The following MTG1 variants were observed in gnomAD, a reference collection of about 807,000 sequenced individuals.
The protein encoded by MTG1 is mitochondrial ribosome associated GTPase 1.
Under a neutral mutation model 39.5 loss-of-function variants are expected in MTG1, and 30 were observed. The observed-to-expected ratio is 0.76, with a 90% CI of 0.57 to 1.03. MTG1 has a LOEUF of 1.03. Among genes scored for constraint, MTG1 ranks in the 50% least tolerant of loss-of-function variants. The probability of loss-of-function intolerance (pLI) is 0.00; values close to 1 mark genes in which losing one functional copy is unlikely to be tolerated. For synonymous variants in MTG1, 217 were observed against 179.0 expected (o/e 1.21, Z -1.69); for missense variants, 513 against 447.4 (o/e 1.15, Z -1.32).
chr10:133,396,266 A>C lies in MTG1; in HGVS notation c.281A>C (p.Gln94Pro). Residue 94 changes from glutamine to proline, a missense_variant and splice_region_variant, in exon 3 of 11, where the codon CAG becomes CCG. By Grantham distance (76) the Gln-to-Pro change is moderately conservative. Coordinates refer to ENST00000317502, the MANE Select transcript of MTG1 (RefSeq NM_138384.4). ...GACTTGGCGGATCTTACAGAGCAGC[A>C]GGTAAAGGCCTTTCTCTCAGACGCC... ...KMDLADLTEQQKIMQHLEGEG... is the reference protein window; with the variant it reads ...KMDLADLTEQPKIMQHLEGEG... The C allele has an allele frequency of 6.2e-7, 1 of 1,613,128 alleles. No individual in the cohort carries two copies. The highest frequency in any genetic ancestry group is 8.5e-7 in the Non-Finnish European group (1 of 1,179,080).
chr10:133,409,475 G>A (rs1359016184), intron 9 of MTG1, among the ~76,000 whole-genome samples: 2 of 152,182 alleles, frequency 1.3e-5, no homozygotes, highest in East Asian at 1.9e-4. Flanking sequence ...AATGTTCCAT[G>A]TGCCGATGAG....
intron 9 of MTG1, among the ~76,000 whole-genome samples, chr10:133,415,863 GTATCAGGCATGCAGT>G (rs1404989844): frequency 3.3e-5 from 5 of 151,742 alleles, no homozygotes; most frequent in East Asian, 1.9e-4. Context: ...AGGCAGGTGG[GTATCAGGCATGCAGT>G]TATCAGGCAT....
At chr10:133,401,832 G>C (rs1849883006) in intron 7 of MTG1, 1 of 669,208 alleles carries the variant, frequency 1.5e-6, no homozygotes, top group Non-Finnish European at 2.7e-6. Flanking sequence ...GGAGGCCACT[G>C]TCCAGGGCCA....
At chr10:133,419,728 G>A (rs1850197789) in intron 10 of MTG1, 136 bp downstream of exon 10, 2 of 776,436 alleles carry the variant, frequency 2.6e-6, no homozygotes, top group Non-Finnish European at 4.2e-6. Context: ...TGGGTTTCAG[G>A]GCAGGGGAGC....
Position 133,402,848 on chromosome 10 carries a change from A to C in MTG1, c.752+75A>C, listed in dbSNP as rs545129324. ...CATTTAAAAAAAAAAAACAAACAAA[A>C]AAACCCCCAGCATTATAAAGGTATT... On this transcript the variant is annotated intron_variant, in intron 9 of 10. Transcript: ENST00000317502. This position sits in a 1 kb window ranked among gnomAD's most constrained non-coding sequence, Gnocchi z 4.7. 1.0e-3 allele frequency: 1,128 copies of C among 1,119,418 alleles called. 1 individual carries two copies. Among genetic ancestry groups the C allele is most frequent in the Non-Finnish European group, 1.3e-3 (1,034 of 783,120 alleles). The allele number at this position is 1,119,418 out of a possible 1,614,324, so 69.3% of individuals were successfully genotyped here. A position where few individuals can be genotyped will look rare whatever the true frequency, so the allele number is the denominator to read the frequency against.
chr10:133,407,257 T>G (rs1849982306), intron 9 of MTG1, among the ~76,000 whole-genome samples: 1 of 152,202 alleles, frequency 6.6e-6, no homozygotes, highest in Non-Finnish European at 1.5e-5. Flanking sequence ...TTGCTTCAGG[T>G]TTGCTTTGGC....
In MTG1 at chr10:133,402,940, G is replaced by A. The variant is rs965821863; in HGVS notation, c.752+167G>A. Reference sequence around the variant, plus strand: ...GACAAGTTCGGGAGTATGGCTATACGTCTGTGAAAGCAACACACAATCAAG... The same window carrying A: ...GACAAGTTCGGGAGTATGGCTATACATCTGTGAAAGCAACACACAATCAAG... On this transcript the variant is annotated intron_variant, in intron 9 of 10. Coordinates refer to ENST00000317502, the MANE Select transcript of MTG1 (RefSeq NM_138384.4). This position sits in a 1 kb window ranked among gnomAD's most constrained non-coding sequence, Gnocchi z 4.7. The A allele has an allele frequency of 2.3e-5, 13 of 567,702 alleles. No individual in the cohort carries two copies. Among genetic ancestry groups the A allele is most frequent in the South Asian group, 2.2e-4 (9 of 40,254 alleles). The allele number at this position is 567,702 out of a possible 1,614,324, so 35.2% of individuals were successfully genotyped here. A position where few individuals can be genotyped will look rare whatever the true frequency, so the allele number is the denominator to read the frequency against.
intron 4 of MTG1, among the ~76,000 whole-genome samples, chr10:133,398,942 A>T (rs1220723366): frequency 6.6e-6 from 1 of 152,160 alleles, no homozygotes; most frequent in African/African-American, 2.4e-5. Flanking sequence ...ACAGAACTCC[A>T]GTTTCCCAAC....
At position 133,419,597 on chromosome 10, in the gene MTG1, G is replaced by C; in HGVS notation, c.865+5G>C. ...TGAAGGTGCTCACGGGCACGGGTGA[G>C]TGAGGTCGCTGATGCGGGCACCGGA... On this transcript the variant is annotated splice_donor_5th_base_variant and intron_variant, in intron 10 of 10. Transcript: ENST00000317502. 6.3e-7 allele frequency: 1 copy of C among 1,593,176 alleles called. No individual in the cohort carries two copies. Among genetic ancestry groups the C allele is most frequent in the Non-Finnish European group, 8.5e-7 (1 of 1,170,184 alleles).
intron 7 of MTG1, chr10:133,401,834 C>T (rs1383241374): frequency 6.0e-6 from 4 of 667,774 alleles, no homozygotes; most frequent in Admixed American, 2.1e-5. Context: ...AGGCCACTGT[C>T]CAGGGCCATG....
intron 3 of MTG1, among the ~76,000 whole-genome samples, chr10:133,397,287 T>C (rs2265637): frequency 0.54 from 81,689 of 151,800 alleles, 24,426 homozygotes; most frequent in Non-Finnish European, 0.67. Context: ...CCTTGTCCAG[T>C]GGACACATGA....
In MTG1 at chr10:133,401,536, C is replaced by T. The variant is rs1169176220; in HGVS notation, c.519C>T (p.Ala173=). The T allele has an allele frequency of 1.3e-6, 2 of 1,580,862 alleles. No individual in the cohort carries two copies. The highest frequency in any genetic ancestry group is 2.2e-5 in the East Asian group (1 of 44,468). ...LRRQHLRKGK[A]TRVGGEPGIT... ...TTTCTCCTTTTCCTACAGGGAAAGC[C>T]ACCAGGGTGGGTGGCGAGCCTGGGA... Residue 173 remains alanine (A), a synonymous_variant, in exon 7 of 11, where the codon GCC becomes GCT. Transcript: ENST00000317502.
intron 9 of MTG1, among the ~76,000 whole-genome samples, chr10:133,413,191 A>G (rs575450977): frequency 6.6e-6 from 1 of 152,150 alleles, no homozygotes; most frequent in East Asian, 1.9e-4. Flanking sequence ...TCTCACTGCA[A>G]CCTCCGCCTC....
chr10:133,413,270 C>T (rs577445064), intron 9 of MTG1, among the ~76,000 whole-genome samples: 53 of 152,160 alleles, frequency 3.5e-4, no homozygotes, highest in Non-Finnish European at 6.8e-4. Flanking sequence ...GCCACCATGC[C>T]CAGCTAATTG....
intron 6 of MTG1, among the ~76,000 whole-genome samples, chr10:133,401,155 G>A (rs541666660): frequency 1.3e-5 from 2 of 152,314 alleles, no homozygotes; most frequent in East Asian, 1.9e-4. Flanking sequence ...GGAGGTGGGG[G>A]ACTGCGTGGA....
chr10:133,404,850 T>C lies in MTG1; in HGVS notation c.752+2077T>C, dbSNP rs1435435145. Among the ~76,000 whole-genome samples the C allele has an allele frequency of 2.6e-5, 4 of 152,244 alleles. No homozygotes were observed. In the East Asian group the frequency reaches 7.7e-4, roughly 29 times the overall value. On this transcript the variant is annotated intron_variant, in intron 9 of 10. Coordinates refer to ENST00000317502, the MANE Select transcript of MTG1 (RefSeq NM_138384.4). ...ATCTTTGTCGCAAATCGGTTGTCCA[T>C]ATACGTGGGTCTGTTTGTGGACTCT... is the stretch of plus-strand genomic sequence containing the variant.
intron 1 of MTG1, 177 bp downstream of exon 1, chr10:133,394,509 C>T (rs1849751720): frequency 8.2e-6 from 11 of 1,333,646 alleles, no homozygotes; most frequent in South Asian, 1.8e-5. Context: ...GCCGGGACCC[C>T]TTCCCCTGCG....
chr10:133,398,875 G>A (rs965754857), intron 4 of MTG1, among the ~76,000 whole-genome samples: 3 of 152,120 alleles, frequency 2.0e-5, no homozygotes, highest in African/African-American at 7.2e-5. Context: ...TTTGATGGGA[G>A]GGGACGGGCA....
intron 3 of MTG1, 69 bp from the exon 4 acceptor site, chr10:133,398,366 C>A: frequency 6.6e-7 from 1 of 1,523,548 alleles, no homozygotes; most frequent in Non-Finnish European, 9.0e-7. Flanking sequence ...TGCTACTGCA[C>A]TCCAGCCTGG....
Sources: gnomAD v4.1 joint callset for allele counts (sites outside exome capture counted in the v4.1 genomes callset) on GRCh38, gnomAD v4.1.1 for gene constraint, Gnocchi (gnomAD v3.1) non-coding constraint, MANE v1.5 for transcripts, NCBI Gene and HGNC (gene_info 2026-07-23, HGNC 2026-07-21) for gene names.